The following ZNF79 variants were observed in gnomAD, a reference collection of about 807,000 sequenced individuals.
ZNF79 encodes ZNFpT7.
Under a neutral mutation model 14.9 loss-of-function variants are expected in ZNF79, and 13 were observed. That is an observed-to-expected ratio of 0.87 (90% CI 0.57 to 1.38). ZNF79 has a LOEUF of 1.38. Among genes scored for constraint, ZNF79 ranks in the 40% most tolerant of loss-of-function variants. The probability of loss-of-function intolerance (pLI) is 0.00; values close to 1 mark genes in which losing one functional copy is unlikely to be tolerated. For synonymous variants in ZNF79, 223 were observed against 235.1 expected (o/e 0.95, Z 0.47); for missense variants, 631 against 630.6 (o/e 1.00, Z -0.01).
intron 4 of ZNF79, among the ~76,000 whole-genome samples, chr9:127,438,437 G>T (rs1024251727): frequency 6.6e-6 from 1 of 152,214 alleles, no homozygotes; most frequent in Non-Finnish European, 1.5e-5. Context: ...TGCCTTCCCT[G>T]GGCCGCCGCC....
Position 127,424,658 on chromosome 9 carries a change from A to G in ZNF79, c.-130A>G. On this transcript the variant is annotated 5_prime_UTR_variant, in exon 1 of 5. Transcript: ENST00000342483. ...AGGATCAGACCGTGCCTCTGCGGGGAGAGGCTGGAGAGGAAGAGTCCGGCC... is the reference window on the plus strand; with the variant it reads ...AGGATCAGACCGTGCCTCTGCGGGGGGAGGCTGGAGAGGAAGAGTCCGGCC... 7.1e-7 allele frequency: 1 copy of G among 1,406,086 alleles called. No homozygotes were observed. Among genetic ancestry groups the G allele is most frequent in the South Asian group, 1.2e-5 (1 of 82,030 alleles). 87.1% of individuals were successfully genotyped at this position (1,406,086 alleles called of 1,614,324 possible).
intron 1 of ZNF79, among the ~76,000 whole-genome samples, chr9:127,428,332 T>C (rs1833798526): frequency 6.6e-6 from 1 of 152,164 alleles, no homozygotes; most frequent in Non-Finnish European, 1.5e-5. Context: ...TTAATTTTTA[T>C]ATATGGTGTG....
At chr9:127,430,804 G>C (rs1833846854) in intron 2 of ZNF79, among the ~76,000 whole-genome samples, 1 of 152,186 alleles carries the variant, frequency 6.6e-6, no homozygotes, top group African/African-American at 2.4e-5. Context: ...TAATGGGATT[G>C]CCGGGTCGAA....
chr9:127,437,340 C>A (rs1281379626), intron 4 of ZNF79, among the ~76,000 whole-genome samples: 1 of 150,756 alleles, frequency 6.6e-6, no homozygotes, highest in Admixed American at 6.6e-5. Flanking sequence ...CTCTCAAGGC[C>A]CCCCCCCGCT....
At position 127,444,192 on chromosome 9, in the gene ZNF79, C is replaced by T. The variant is rs769768796; in HGVS notation, c.492C>T (p.Pro164=). Residue 164 remains proline (P), a synonymous_variant, in exon 5 of 5, where the codon CCC becomes CCT. Coordinates refer to ENST00000342483, the MANE Select transcript of ZNF79 (RefSeq NM_007135.3). Reference sequence around the variant, plus strand: ...TCCTCTCTCCGCAACAGAGAGTGCCCGTGGAAGCGAGACCTCGCAAATGTG... The same window carrying T: ...TCCTCTCTCCGCAACAGAGAGTGCCTGTGGAAGCGAGACCTCGCAAATGTG... The part of the protein sequence containing the change: ...RPVLSPQQRV[P]VEARPRKCET... 1.7e-5 allele frequency: 27 copies of T among 1,613,894 alleles called. No homozygotes were observed. Among genetic ancestry groups the T allele is most frequent in the African/African-American group, 1.5e-4 (11 of 74,908 alleles).
intron 2 of ZNF79, among the ~76,000 whole-genome samples, chr9:127,429,780 G>C (rs952146226): frequency 1.3e-5 from 2 of 151,032 alleles, no homozygotes; most frequent in Non-Finnish European, 2.9e-5. Context: ...CTAACATTTT[G>C]ATTTGTGTCC....
rs1173343426 is a variant in ZNF79 at position 127,445,349 on chromosome 9, A to G, written c.*152A>G. On this transcript the variant is annotated 3_prime_UTR_variant, in exon 5 of 5. Coordinates refer to ENST00000342483, the MANE Select transcript of ZNF79 (RefSeq NM_007135.3). ...GCCACATGCAAAACACCTTCAATAA[A>G]CAGCCACTATTTCACATGCTGTATA... 1.1e-5 allele frequency: 8 copies of G among 708,960 alleles called. No individual in the cohort carries two copies. The Middle Eastern group carries it at 1.2e-3, about 106-fold the overall frequency. The allele number at this position is 708,960 out of a possible 1,614,324, so 43.9% of individuals were successfully genotyped here. A position where few individuals can be genotyped will look rare whatever the true frequency, so the allele number is the denominator to read the frequency against.
At chr9:127,427,276 A>C (rs1185060013) in intron 1 of ZNF79, among the ~76,000 whole-genome samples, 5 of 149,540 alleles carry the variant, frequency 3.3e-5, no homozygotes, top group African/African-American at 9.8e-5. Flanking sequence ...AAAAAAAGTT[A>C]GCCGGGCGTG....
intron 3 of ZNF79, 71 bp from the exon 4 acceptor site, chr9:127,435,837 C>G (rs774244781): frequency 2.4e-6 from 3 of 1,267,352 alleles, no homozygotes; most frequent in South Asian, 1.2e-5. Flanking sequence ...CCTACTTGCT[C>G]TCTCCTGAGT....
chr9:127,439,110 A>ACAAAAAAAAAG (rs1834001851), intron 4 of ZNF79, among the ~76,000 whole-genome samples: 1 of 43,720 alleles, frequency 2.3e-5, no homozygotes, highest in Non-Finnish European at 5.1e-5. Context: ...AGACTCTGTC[A>ACAAAAAAAAAG]CAAAAAAAAA....
At chr9:127,442,935 C>T (rs1257782860) in intron 4 of ZNF79, among the ~76,000 whole-genome samples, 1 of 152,118 alleles carries the variant, frequency 6.6e-6, no homozygotes, top group Non-Finnish European at 1.5e-5. Flanking sequence ...GAAACTCACA[C>T]ATTAGCCTAG....
chr9:127,428,716 C>T lies in ZNF79; in HGVS notation c.17-116C>T, dbSNP rs1588068090. 9 of 1,291,670 alleles carry T rather than the reference C, an allele frequency of 7.0e-6. No homozygotes were observed. In the East Asian group the frequency reaches 1.8e-4, roughly 26 times the overall value. The allele number at this position is 1,291,670 out of a possible 1,614,324, so 80.0% of individuals were successfully genotyped here. A position where few individuals can be genotyped will look rare whatever the true frequency, so the allele number is the denominator to read the frequency against. On this transcript the variant is annotated intron_variant, in intron 1 of 4. Transcript: ENST00000342483. Reference sequence around the variant, plus strand: ...GAATGGAGAAATTTACATCACACTACAGGTCTGCAGATTCAGCCCACGTGC... The same window carrying T: ...GAATGGAGAAATTTACATCACACTATAGGTCTGCAGATTCAGCCCACGTGC...
intron 4 of ZNF79, 46 bp downstream of exon 4, chr9:127,436,049 C>T (rs746595987): frequency 5.2e-6 from 8 of 1,552,392 alleles, no homozygotes; most frequent in South Asian, 1.1e-5. Flanking sequence ...GGAGCAAAAG[C>T]GCCTTTAAAT....
intron 4 of ZNF79, among the ~76,000 whole-genome samples, chr9:127,441,986 G>A (rs896349294): frequency 1.3e-5 from 2 of 151,656 alleles, no homozygotes; most frequent in African/African-American, 2.4e-5. Flanking sequence ...GTGTGGTGGC[G>A]CATGCCTGTA....
Position 127,424,692 on chromosome 9 carries a change from G to A in ZNF79, c.-96G>A. ...AGAGGAAGAGTCCGGCCTGGGAGCC[G>A]TCAGAGCAGCCCTGCAGAACGGGGT... On this transcript the variant is annotated 5_prime_UTR_variant, in exon 1 of 5. Coordinates refer to ENST00000342483, the MANE Select transcript of ZNF79 (RefSeq NM_007135.3). 1.3e-6 allele frequency: 2 copies of A among 1,586,406 alleles called. No homozygotes were observed. The highest frequency in any genetic ancestry group is 1.3e-5 in the African/African-American group (1 of 74,538).
At chr9:127,427,762 T>G (rs897265471) in intron 1 of ZNF79, among the ~76,000 whole-genome samples, 2 of 152,118 alleles carry the variant, frequency 1.3e-5, no homozygotes, top group Admixed American at 6.6e-5. Context: ...GATCTCGAAC[T>G]CTTGGGCTCC....
chr9:127,433,452 G>C (rs1833894627), intron 2 of ZNF79, among the ~76,000 whole-genome samples: 1 of 152,116 alleles, frequency 6.6e-6, no homozygotes, highest in Non-Finnish European at 1.5e-5. Context: ...TGTGGGGCCT[G>C]ACCAGGAAAT....
chr9:127,430,877 A>C (rs541744877), intron 2 of ZNF79, among the ~76,000 whole-genome samples: 1 of 152,216 alleles, frequency 6.6e-6, no homozygotes, highest in African/African-American at 2.4e-5. Flanking sequence ...TGACTGAACT[A>C]ATTTAGTTAA....
chr9:127,436,282 G>A (rs1033956931), intron 4 of ZNF79, among the ~76,000 whole-genome samples: 3 of 152,174 alleles, frequency 2.0e-5, no homozygotes, highest in African/African-American at 7.2e-5. Flanking sequence ...AGGTGTTTGG[G>A]GGCACGTGTG....
Sources: gnomAD v4.1 joint callset for allele counts (sites outside exome capture counted in the v4.1 genomes callset) on GRCh38, gnomAD v4.1.1 for gene constraint, MANE v1.5 for transcripts, NCBI Gene and HGNC (gene_info 2026-07-23, HGNC 2026-07-21) for gene names.